The following JDP2 variants were observed in gnomAD, a reference collection of about 807,000 sequenced individuals.
JDP2 encodes Jun dimerization protein 2.
JDP2 carries 9 observed loss-of-function variants against 17.1 expected under a neutral mutation model. The observed-to-expected ratio is 0.53, with a 90% CI of 0.32 to 0.92. The LOEUF is 0.92. Ranked by LOEUF, JDP2 falls within the 40% of genes least tolerant of loss-of-function variation. JDP2 has a pLI of 0.04. For synonymous variants in JDP2, 107 were observed against 95.6 expected (o/e 1.12, Z -0.69); for missense variants, 179 against 220.0 (o/e 0.81, Z 1.18).
intron 2 of JDP2, among the ~76,000 whole-genome samples, chr14:75,452,863 C>G (rs1885927885): frequency 6.6e-6 from 1 of 152,202 alleles, no homozygotes; most frequent in South Asian, 2.1e-4. Flanking sequence ...TCCTAAAGCC[C>G]TGCCCGCTGT....
At chr14:75,456,637 T>A (rs781405223) in intron 2 of JDP2, among the ~76,000 whole-genome samples, 10 of 152,162 alleles carry the variant, frequency 6.6e-5, no homozygotes, top group Non-Finnish European at 1.3e-4. Flanking sequence ...GTTGTTTCTC[T>A]CTTGGTACGT....
At chr14:75,434,619 G>A (rs1412472822) in intron 1 of JDP2, among the ~76,000 whole-genome samples, 1 of 152,092 alleles carries the variant, frequency 6.6e-6, no homozygotes, top group Non-Finnish European at 1.5e-5. Context: ...TATATTTTGG[G>A]ATCATTTGTT....
Position 75,428,336 on chromosome 14 carries a change from C to T in JDP2, c.-24+84C>T, listed in dbSNP as rs1212918299. On this transcript the variant is annotated intron_variant, in intron 1 of 3. Transcript: ENST00000651602. This position sits in a 1 kb window ranked among gnomAD's most constrained non-coding sequence, Gnocchi z 5.6. ...CGCGGGCACCTGGGACGGCCGCCCCCGCACGGGCGGAGCGCGAGGAGCCCC... is the reference window on the plus strand; with the variant it reads ...CGCGGGCACCTGGGACGGCCGCCCCTGCACGGGCGGAGCGCGAGGAGCCCC... 5.0e-4 allele frequency: 74 copies of T among 148,936 alleles called. 1 individual carries two copies. The highest frequency in any genetic ancestry group is 1.3e-4 in the Non-Finnish European group (9 of 66,822). The allele number at this position is 148,936 out of a possible 1,614,324, so 9.2% of individuals were successfully genotyped here. A position where few individuals can be genotyped will look rare whatever the true frequency, so the allele number is the denominator to read the frequency against.
chr14:75,447,647 C>T (rs1885660745), intron 2 of JDP2, among the ~76,000 whole-genome samples: 1 of 152,066 alleles, frequency 6.6e-6, no homozygotes, highest in Non-Finnish European at 1.5e-5. Flanking sequence ...GAGGCACTAT[C>T]TATTATCTGT....
chr14:75,429,647 A>G (rs921559638), intron 1 of JDP2, among the ~76,000 whole-genome samples: 1 of 152,042 alleles, frequency 6.6e-6, no homozygotes, highest in Non-Finnish European at 1.5e-5. Flanking sequence ...TCTAGGGGAG[A>G]GTTTAACCAG....
At chr14:75,463,020 G>C (rs1352678792) in intron 3 of JDP2, among the ~76,000 whole-genome samples, 1 of 152,228 alleles carries the variant, frequency 6.6e-6, no homozygotes, top group African/African-American at 2.4e-5. Flanking sequence ...CCAAGTGCCT[G>C]CCATGAGCAG....
At chr14:75,439,451 G>A (rs1325694617) in intron 2 of JDP2, among the ~76,000 whole-genome samples, 1 of 152,242 alleles carries the variant, frequency 6.6e-6, no homozygotes, top group African/African-American at 2.4e-5. Context: ...TGGCTAAGTG[G>A]GGTGGACAGA....
At chr14:75,451,071 C>T (rs11844314) in intron 2 of JDP2, among the ~76,000 whole-genome samples, 2,306 of 152,216 alleles carry the variant, frequency 0.015, 66 homozygotes, top group African/African-American at 0.053. Flanking sequence ...GAGCATAGAG[C>T]GGAACCCTGG....
chr14:75,457,868 A>G (rs2139987735), intron 2 of JDP2, among the ~76,000 whole-genome samples: 1 of 152,354 alleles, frequency 6.6e-6, no homozygotes, highest in South Asian at 2.1e-4. Flanking sequence ...CGGCAGAGAA[A>G]GCTCCCGTGA....
chr14:75,462,051 T>C (rs1242022308), intron 3 of JDP2, among the ~76,000 whole-genome samples: 1 of 152,196 alleles, frequency 6.6e-6, no homozygotes, highest in Non-Finnish European at 1.5e-5. Context: ...GAAGGTGACC[T>C]CCAAGCTCTT....
At chr14:75,457,240 G>A (rs1304520116) in intron 2 of JDP2, among the ~76,000 whole-genome samples, 7 of 152,262 alleles carry the variant, frequency 4.6e-5, no homozygotes, top group Non-Finnish European at 1.0e-4. Context: ...AATACTCTCT[G>A]CCGTCTTTCT....
At position 75,450,813 on chromosome 14, in the gene JDP2, G is replaced by A. The variant is rs562303629; in HGVS notation, c.202-10613G>A. ...TCAACAAGATGCAGACTTTGCCCTCGTGGAACTCCCAGTTTAATGGAGGAG... is the reference window on the plus strand; with the variant it reads ...TCAACAAGATGCAGACTTTGCCCTCATGGAACTCCCAGTTTAATGGAGGAG... On this transcript the variant is annotated intron_variant, in intron 2 of 3. Transcript: ENST00000651602. Among the ~76,000 whole-genome samples the A allele has an allele frequency of 5.3e-5, 8 of 152,304 alleles. No individual in the cohort carries two copies. The East Asian group carries it at 1.5e-3, about 29-fold the overall frequency.
chr14:75,469,317 G>T lies in JDP2; in HGVS notation c.334G>T (p.Ala112Ser). The T allele has an allele frequency of 1.9e-6, 3 of 1,614,136 alleles. No individual in the cohort carries two copies. Among genetic ancestry groups the T allele is most frequent in the Middle Eastern group, 1.7e-4 (1 of 6,060 alleles). The change falls in exon 4 of 4, where the codon GCA becomes TCA. Residue 112 changes from alanine (A) to serine (S), a missense_variant. Physicochemically the swap from Ala to Ser is moderately conservative, Grantham distance 99. Transcript: ENST00000651602. Reference sequence around the variant, plus strand: ...ATCCGAGCGGCTGGAACTCATGAACGCAGAGCTGAAGACCCAGATTGAGGA... The same window carrying T: ...ATCCGAGCGGCTGGAACTCATGAACTCAGAGCTGAAGACCCAGATTGAGGA... ...RESERLELMNAELKTQIEELK... is the reference protein window; with the variant it reads ...RESERLELMNSELKTQIEELK...
In JDP2 at chr14:75,446,982, A is replaced by G. The variant is rs182961942; in HGVS notation, c.201+8861A>G. On this transcript the variant is annotated intron_variant, in intron 2 of 3. Coordinates refer to ENST00000651602, the MANE Select transcript of JDP2 (RefSeq NM_001135048.2). ...CCCCCTTTTAGACCAGCGGCAGTGAAGAAGCCTTTTTTCCTTTTTATTGCT... is the reference window on the plus strand; with the variant it reads ...CCCCCTTTTAGACCAGCGGCAGTGAGGAAGCCTTTTTTCCTTTTTATTGCT... Among the ~76,000 whole-genome samples the G allele has an allele frequency of 2.3e-3, 344 of 152,316 alleles. 1 individual carries two copies. The highest frequency in any genetic ancestry group is 7.9e-3 in the African/African-American group (328 of 41,566).
At chr14:75,455,128 C>T (rs757253004) in intron 2 of JDP2, among the ~76,000 whole-genome samples, 17 of 152,164 alleles carry the variant, frequency 1.1e-4, no homozygotes, top group Non-Finnish European at 1.8e-4. Flanking sequence ...GCAAACTTCT[C>T]TGGGCACACA....
chr14:75,458,791 G>A (rs148490453), intron 2 of JDP2, among the ~76,000 whole-genome samples: 1,917 of 152,258 alleles, frequency 0.013, 16 homozygotes, highest in South Asian at 0.03. Flanking sequence ...GTTTACTCTC[G>A]AGGTTCAGTT....
At chr14:75,435,828 G>A (rs771160195) in intron 1 of JDP2, among the ~76,000 whole-genome samples, 1 of 152,160 alleles carries the variant, frequency 6.6e-6, no homozygotes. Context: ...TAAGAGGACC[G>A]GGTATGGGAG....
intron 2 of JDP2, among the ~76,000 whole-genome samples, chr14:75,452,782 A>G (rs1293967159): frequency 6.6e-6 from 1 of 152,032 alleles, no homozygotes; most frequent in Non-Finnish European, 1.5e-5. Context: ...ATGGTGAGTT[A>G]CTTGCTTGAC....
At chr14:75,466,039 A>T (rs1415879228) in intron 3 of JDP2, among the ~76,000 whole-genome samples, 1 of 135,346 alleles carries the variant, frequency 7.4e-6, no homozygotes, top group African/African-American at 2.5e-5. Flanking sequence ...ATCATGGTTT[A>T]AAAAAAAAAG....
Sources: gnomAD v4.1 joint callset for allele counts (sites outside exome capture counted in the v4.1 genomes callset) on GRCh38, gnomAD v4.1.1 for gene constraint, Gnocchi (gnomAD v3.1) non-coding constraint, MANE v1.5 for transcripts, NCBI Gene and HGNC (gene_info 2026-07-23, HGNC 2026-07-21) for gene names.